Variants in PRKCB observed in about 807,000 individuals in gnomAD.
PRKCB encodes protein kinase C beta, also known as protein kinase C beta type.
A neutral mutation model predicts 81.5 loss-of-function variants in PRKCB; 13 were observed. The ratio of observed to expected loss-of-function variants is 0.16; its 90% CI spans 0.10 to 0.25. The LOEUF is 0.25. PRKCB is among the 10% of genes least tolerant of loss of function. PRKCB has a pLI of 1.00. For synonymous variants in PRKCB, 335 were observed against 321.4 expected, an observed-to-expected ratio of 1.04 and a Z score of -0.45; for missense variants, 509 against 875.7, an observed-to-expected ratio of 0.58 and a Z score of 5.29.
At chr16:23,958,143 C>T (rs1964374911) in intron 2 of PRKCB, among the ~76,000 whole-genome samples, 1 of 152,074 alleles carries the variant, frequency 6.6e-6, no homozygotes. Context: ...AGGTGTGTGC[C>T]ACCACGCCTG....
At chr16:23,836,708 T>C (rs2141071015) in intron 1 of PRKCB, among the ~76,000 whole-genome samples, 1 of 150,668 alleles carries the variant, frequency 6.6e-6, no homozygotes, top group South Asian at 2.1e-4. Context: ...CGACCCGGGG[T>C]TCCCTATCTC....
intron 5 of PRKCB, among the ~76,000 whole-genome samples, chr16:24,052,643 A>G (rs954447271): frequency 3.3e-5 from 5 of 152,190 alleles, no homozygotes; most frequent in African/African-American, 1.2e-4. Context: ...CGTTGCCATG[A>G]CGATTGTAAA....
At chr16:23,902,760 T>A (rs1426712842) in intron 2 of PRKCB, among the ~76,000 whole-genome samples, 4 of 51,344 alleles carry the variant, frequency 7.8e-5, no homozygotes, top group Non-Finnish European at 1.4e-4. Context: ...CTTCCTTCCT[T>A]CCTTCCTTCC....
At chr16:24,196,002 T>C (rs1292748731) in intron 16 of PRKCB, among the ~76,000 whole-genome samples, 1 of 152,184 alleles carries the variant, frequency 6.6e-6, no homozygotes, top group Non-Finnish European at 1.5e-5. Flanking sequence ...CCTTGCCTTT[T>C]CCCCCTCATC....
chr16:23,913,016 G>A (rs770717991), intron 2 of PRKCB, among the ~76,000 whole-genome samples: 7 of 152,048 alleles, frequency 4.6e-5, no homozygotes, highest in African/African-American at 7.2e-5. Flanking sequence ...ATAGAGACTG[G>A]TCTTGAACTC....
chr16:24,083,028 GAAC>G (rs750193562), intron 5 of PRKCB, among the ~76,000 whole-genome samples: 14 of 152,164 alleles, frequency 9.2e-5, no homozygotes, highest in African/African-American at 1.7e-4. Context: ...CTAAAAACCT[GAAC>G]AAACACTTTA....
chr16:24,201,150 C>T (rs78602320), intron 16 of PRKCB, among the ~76,000 whole-genome samples: 3,123 of 152,230 alleles, frequency 0.021, 49 homozygotes, highest in Non-Finnish European at 0.035. Context: ...ACCCTCACTC[C>T]TGCTCTGGAC....
At chr16:24,179,984 A>G (rs1967593467) in intron 12 of PRKCB, among the ~76,000 whole-genome samples, 2 of 151,778 alleles carry the variant, frequency 1.3e-5, no homozygotes, top group Admixed American at 1.3e-4. Flanking sequence ...TCGCTCTGTC[A>G]CCCAGGCTGG....
intron 7 of PRKCB, among the ~76,000 whole-genome samples, chr16:24,095,506 A>G (rs963495111): frequency 5.9e-5 from 9 of 152,130 alleles, no homozygotes; most frequent in African/African-American, 2.2e-4. Flanking sequence ...CAAAAGGCCA[A>G]TCTCAAGTTC....
At position 24,144,309 on chromosome 16, in the gene PRKCB, T is replaced by C. The variant is rs191145132; in HGVS notation, c.1066-10375T>C. On this transcript the variant is annotated intron_variant, in intron 9 of 16. Transcript: ENST00000643927. ...GTATTTACTATATTCTTTTTTTCTT[T>C]TTGAGACCGAGTCTCACTCTGTCAC... 5.0e-4 allele frequency among the ~76,000 whole-genome samples: 76 copies of C among 152,310 alleles called. No homozygotes were observed. In the East Asian group the frequency reaches 8.7e-3, roughly 17 times the overall value.
At chr16:23,866,207 G>A (rs746062655) in intron 2 of PRKCB, among the ~76,000 whole-genome samples, 2 of 152,148 alleles carry the variant, frequency 1.3e-5, no homozygotes, top group African/African-American at 2.4e-5. Flanking sequence ...GTTTCTTTCT[G>A]AGAGTAAAGA....
At chr16:23,907,926 G>A (rs936337458) in intron 2 of PRKCB, among the ~76,000 whole-genome samples, 2 of 152,212 alleles carry the variant, frequency 1.3e-5, no homozygotes, top group African/African-American at 4.8e-5. Flanking sequence ...CAGATGTTTT[G>A]TGATTTAACA....
chr16:24,128,792 C>T (rs985152169), intron 9 of PRKCB, among the ~76,000 whole-genome samples: 6 of 151,936 alleles, frequency 3.9e-5, no homozygotes. Flanking sequence ...AGCATAGTAC[C>T]CAATAGGTGG....
rs1207078097 is a variant in PRKCB at position 24,023,603 on chromosome 16, C to T, written c.289-8533C>T. On this transcript the variant is annotated intron_variant, in intron 3 of 16. Transcript: ENST00000643927. ...CAGGATGGTCTTGATCTCCTGACCTCGTGATCCGCCAGCCTCGGCCTCCCA... is the reference window on the plus strand; with the variant it reads ...CAGGATGGTCTTGATCTCCTGACCTTGTGATCCGCCAGCCTCGGCCTCCCA... 4.6e-5 allele frequency among the ~76,000 whole-genome samples: 7 copies of T among 152,150 alleles called. No individual in the cohort carries two copies. In the South Asian group the frequency reaches 6.2e-4, roughly 14 times the overall value.
chr16:23,913,744 A>T (rs1963696548), intron 2 of PRKCB, among the ~76,000 whole-genome samples: 1 of 152,170 alleles, frequency 6.6e-6, no homozygotes, highest in African/African-American at 2.4e-5. Context: ...AGGGTTGAAG[A>T]ATCTCTTAAA....
At chr16:24,203,824 A>G (rs748274191) in intron 16 of PRKCB, among the ~76,000 whole-genome samples, 1 of 152,158 alleles carries the variant, frequency 6.6e-6, no homozygotes, top group African/African-American at 2.4e-5. Flanking sequence ...TGAGGCTTGG[A>G]TGGGAACGGA....
At chr16:24,112,636 G>C (rs1228436559) in intron 7 of PRKCB, among the ~76,000 whole-genome samples, 1 of 152,168 alleles carries the variant, frequency 6.6e-6, no homozygotes, top group African/African-American at 2.4e-5. Flanking sequence ...TGGACAAAAA[G>C]TAGGTAAAAA....
chr16:23,945,653 A>T (rs930121976), intron 2 of PRKCB, among the ~76,000 whole-genome samples: 2 of 152,136 alleles, frequency 1.3e-5, no homozygotes, highest in Non-Finnish European at 2.9e-5. Context: ...AGTCCTACTG[A>T]TTTGAGGATC....
chr16:24,189,326 G>T (rs140284154), intron 15 of PRKCB, among the ~76,000 whole-genome samples: 165 of 152,200 alleles, frequency 1.1e-3, no homozygotes, highest in African/African-American at 3.8e-3. Context: ...TGATGATCAG[G>T]GAAGCTCATG....
Sources: gnomAD v4.1 joint callset for allele counts (sites outside exome capture counted in the v4.1 genomes callset) on GRCh38, gnomAD v4.1.1 for gene constraint, MANE v1.5 for transcripts, NCBI Gene and HGNC (gene_info 2026-07-23, HGNC 2026-07-21) for gene names.